PPM1A: variants seen among roughly 807,000 people sequenced by gnomAD.
PPM1A encodes the protein protein phosphatase 1A.
PPM1A carries 7 observed loss-of-function variants against 35.0 expected under a neutral mutation model. The observed-to-expected ratio is 0.20, with a 90% CI of 0.11 to 0.38. The LOEUF is 0.38. Ranked by LOEUF, PPM1A falls within the 10% of genes least tolerant of loss-of-function variation. PPM1A has a pLI of 1.00. For synonymous variants in PPM1A, 153 were observed against 167.3 expected (o/e 0.91, Z 0.66); for missense variants, 239 against 467.8 (o/e 0.51, Z 4.51).
intron 1 of PPM1A, among the ~76,000 whole-genome samples, chr14:60,257,918 G>A (rs1041531481): frequency 5.3e-5 from 8 of 152,278 alleles, no homozygotes; most frequent in Middle Eastern, 3.4e-3. Flanking sequence ...TAAGTAGATA[G>A]GAAATAAAAT....
At chr14:60,254,590 A>T (rs948392232) in intron 1 of PPM1A, among the ~76,000 whole-genome samples, 5 of 152,158 alleles carry the variant, frequency 3.3e-5, no homozygotes, top group Non-Finnish European at 7.3e-5. Flanking sequence ...ACCATTTTTT[A>T]AAAATGGAGT....
At chr14:60,288,343 A>G in intron 3 of PPM1A, 18 of 971,956 alleles carry the variant, frequency 1.9e-5, no homozygotes, top group Non-Finnish European at 2.2e-5. Flanking sequence ...ATCAGTGTTT[A>G]TTTCTATTGT....
chr14:60,282,929 T>A lies in PPM1A; in HGVS notation c.226T>A (p.Leu76Ile). Residue 76 changes from leucine (L) to isoleucine (I), a missense_variant, in exon 2 of 6, where the codon TTA becomes ATA. Leu to Ile is a conservative substitution (Grantham distance 5). Coordinates refer to ENST00000395076, the MANE Select transcript of PPM1A (RefSeq NM_021003.5). This position sits in a 1 kb window ranked among gnomAD's most constrained non-coding sequence, Gnocchi z 5.1. ...QVAKYCCEHL[L>I]DHITNNQDFK... The stretch of plus-strand genomic sequence containing the variant: ...TGCCAAATACTGCTGTGAGCATTTG[T>A]TAGATCACATCACCAATAACCAGGA... 6.2e-7 allele frequency: 1 copy of A among 1,614,220 alleles called. No individual in the cohort carries two copies. The highest frequency in any genetic ancestry group is 8.5e-7 in the Non-Finnish European group (1 of 1,180,038).
In PPM1A at chr14:60,294,095, C is replaced by G. The variant is rs1018898898; in HGVS notation, c.*1613C>G. 6 of 151,718 alleles carry G rather than the reference C, an allele frequency of 4.0e-5. No homozygotes were observed. Among genetic ancestry groups the G allele is most frequent in the Admixed American group, 2.0e-4 (3 of 15,212 alleles). 9.4% of individuals were successfully genotyped at this position (151,718 alleles called of 1,614,324 possible). ...TTTGTGTATAAAAACCAGTATAGTC[C>G]ATTTTGTTATATTTGTTTTTTCCCT... On this transcript the variant is annotated 3_prime_UTR_variant, in exon 6 of 6. Coordinates refer to ENST00000395076, the MANE Select transcript of PPM1A (RefSeq NM_021003.5).
intron 3 of PPM1A, chr14:60,286,421 A>G: frequency 1.0e-6 from 1 of 985,332 alleles, no homozygotes; most frequent in South Asian, 4.7e-5. Context: ...TATTGCATAT[A>G]TGCAGTAAAG....
rs531327838 is a variant in PPM1A at position 60,252,249 on chromosome 14, TACTC to T, written c.-21+2575_-21+2578del. Among the ~76,000 whole-genome samples, 975 of 152,328 alleles carry T rather than the reference TACTC, an allele frequency of 6.4e-3. 9 individuals are homozygous for T. Among genetic ancestry groups the T allele is most frequent in the Middle Eastern group, 0.02 (6 of 294 alleles). On this transcript the variant is annotated intron_variant, in intron 1 of 5. Transcript: ENST00000395076. The stretch of plus-strand genomic sequence containing the variant: ...CACAAGGAACTTGTTATCTCTGAAA[TACTC>T]ACCCATGAGAGCTGGATTAATTTTT...
At chr14:60,264,697 T>A (rs1239903786) in intron 1 of PPM1A, among the ~76,000 whole-genome samples, 2 of 152,170 alleles carry the variant, frequency 1.3e-5, no homozygotes, top group East Asian at 3.8e-4. Flanking sequence ...TCCTTCTTAG[T>A]CTCTGTATTA....
chr14:60,259,039 T>C (rs1883452285), intron 1 of PPM1A, among the ~76,000 whole-genome samples: 1 of 152,098 alleles, frequency 6.6e-6, no homozygotes, highest in South Asian at 2.1e-4. Context: ...TATTCAAGTA[T>C]AGGAGGTAGG....
intron 1 of PPM1A, among the ~76,000 whole-genome samples, chr14:60,281,983 TACA>T (rs1403736975): frequency 1.3e-5 from 2 of 152,338 alleles, no homozygotes; most frequent in African/African-American, 4.8e-5. Context: ...AATTTGAGGC[TACA>T]ACATTTACAG....
intron 1 of PPM1A, among the ~76,000 whole-genome samples, chr14:60,254,081 T>C (rs1882762440): frequency 6.6e-6 from 1 of 152,136 alleles, no homozygotes; most frequent in South Asian, 2.1e-4. Context: ...GCCAAATAAA[T>C]GGTAGCTGTT....
intron 1 of PPM1A, among the ~76,000 whole-genome samples, chr14:60,265,913 C>T (rs1884319052): frequency 6.6e-6 from 1 of 152,200 alleles, no homozygotes; most frequent in South Asian, 2.1e-4. Flanking sequence ...GTCACAATGA[C>T]AATTCAATTT....
chr14:60,292,574 A>G lies in PPM1A; in HGVS notation c.*92A>G. On this transcript the variant is annotated 3_prime_UTR_variant, in exon 6 of 6. Coordinates refer to ENST00000395076, the MANE Select transcript of PPM1A (RefSeq NM_021003.5). This position sits in a 1 kb window ranked among gnomAD's most constrained non-coding sequence, Gnocchi z 4.2. ...ACTTTTAACATCCATCCTCAACTTT[A>G]AGGAAGGGGATATGACATGGGTGAG... is the stretch of plus-strand genomic sequence containing the variant. 8.8e-7 allele frequency: 1 copy of G among 1,133,164 alleles called. No homozygotes were observed. 70.2% of individuals were successfully genotyped at this position (1,133,164 alleles called of 1,614,324 possible).
intron 1 of PPM1A, among the ~76,000 whole-genome samples, chr14:60,271,324 C>T (rs1885077870): frequency 6.6e-6 from 1 of 152,202 alleles, no homozygotes; most frequent in Admixed American, 6.5e-5. Flanking sequence ...TTCTTAATCA[C>T]ATCTGCAAAG....
rs1404327440 is a variant in PPM1A at position 60,282,380 on chromosome 14, ATTAAACAT to A, written c.-20-300_-20-293del. Among the ~76,000 whole-genome samples, 9 of 152,084 alleles carry A rather than the reference ATTAAACAT, an allele frequency of 5.9e-5. No individual in the cohort carries two copies. Among genetic ancestry groups the A allele is most frequent in the Admixed American group, 5.2e-4 (8 of 15,304 alleles). On this transcript the variant is annotated intron_variant, in intron 1 of 5. Transcript: ENST00000395076. The surrounding 1 kb of genome is among the most constrained non-coding windows in gnomAD (Gnocchi z 5.1). The stretch of plus-strand genomic sequence containing the variant: ...TGAGCTTACACATGTTCATTGTATC[ATTAAACAT>A]TTAGCCTGGTTGGTTTAAGTTGATG...
At chr14:60,286,872 A>T in intron 3 of PPM1A, 1 of 980,536 alleles carries the variant, frequency 1.0e-6, no homozygotes, top group Non-Finnish European at 1.2e-6. Context: ...TATTCAACGA[A>T]TTTGTCTCCT....
At chr14:60,285,513 T>G in intron 2 of PPM1A, 111 bp from the exon 3 acceptor site, 1 of 1,195,658 alleles carries the variant, frequency 8.4e-7, no homozygotes, top group Non-Finnish European at 1.2e-6. Context: ...TCCCTGAAAG[T>G]AACATTTTCA....
intron 1 of PPM1A, among the ~76,000 whole-genome samples, chr14:60,272,042 A>AT (rs562962307): frequency 0.085 from 11,668 of 136,740 alleles, 496 homozygotes; most frequent in Middle Eastern, 0.12. Flanking sequence ...AGGTATTTCC[A>AT]TTTTTTTTTT....
At chr14:60,245,938 G>A (rs180935284), upstream of PPM1A, 1 of 1,578,898 alleles carries the variant, frequency 6.3e-7, no homozygotes, top group Admixed American at 1.9e-5. The surrounding 1 kb of genome is among the most constrained non-coding windows in gnomAD (Gnocchi z 4.2). Context: ...GAAGAGAAGG[G>A]CAAAGAAGGC....
intron 1 of PPM1A, among the ~76,000 whole-genome samples, chr14:60,276,447 A>AT (rs947194307): frequency 2.0e-5 from 3 of 152,194 alleles, no homozygotes; most frequent in East Asian, 1.9e-4. Flanking sequence ...CTCAGTGGTC[A>AT]TCAAAGGTCC....
Sources: allele counts gnomAD v4.1 joint callset (sites outside exome capture counted in the v4.1 genomes callset), GRCh38; gene constraint gnomAD v4.1.1; non-coding constraint Gnocchi (gnomAD v3.1); transcripts MANE v1.5; gene names NCBI Gene and HGNC (gene_info 2026-07-23, HGNC 2026-07-21).